The following DBH variants were observed in gnomAD, a reference collection of about 807,000 sequenced individuals.
DBH encodes dopamine beta-hydroxylase (dopamine beta-monooxygenase).
A neutral mutation model predicts 64.0 loss-of-function variants in DBH; 49 were observed. The ratio of observed to expected loss-of-function variants is 0.77; its 90% CI spans 0.61 to 0.97. DBH has a LOEUF of 0.97. Ranked by LOEUF, DBH falls within the 50% of genes least tolerant of loss-of-function variation. The pLI, the probability that DBH is intolerant of heterozygous loss-of-function variation, is 0.00. For missense variants in DBH, 828 were observed against 826.6 expected (o/e 1.00, Z -0.02); for synonymous variants, 343 against 347.1 (o/e 0.99, Z 0.13).
Position 133,643,715 on chromosome 9 carries a change from C to A in DBH, c.921+126C>A. 1 of 1,094,458 alleles carries A rather than the reference C, an allele frequency of 9.1e-7. No homozygotes were observed. Among genetic ancestry groups the A allele is most frequent in the Non-Finnish European group, 1.3e-6 (1 of 758,734 alleles). 67.8% of individuals were successfully genotyped at this position (1,094,458 alleles called of 1,614,324 possible). A position where few individuals can be genotyped will look rare whatever the true frequency, so the allele number is the denominator to read the frequency against. Reference sequence around the variant, plus strand: ...GGGCTCCCAAGGGGGCTCACGAGGCCACCAGAAGGGCCAGGCCTGAGGTGG... The same window carrying A: ...GGGCTCCCAAGGGGGCTCACGAGGCAACCAGAAGGGCCAGGCCTGAGGTGG... On this transcript the variant is annotated intron_variant, in intron 4 of 11. Transcript: ENST00000393056. The surrounding 1 kb of genome is among the most constrained non-coding windows in gnomAD (Gnocchi z 5.3).
In DBH at chr9:133,658,595, C is replaced by T. The variant is rs541325313; in HGVS notation, c.*148C>T. 3 of 937,054 alleles carry T rather than the reference C, an allele frequency of 3.2e-6. No individual in the cohort carries two copies. In the East Asian group the frequency reaches 8.4e-5, roughly 26 times the overall value. The allele number at this position is 937,054 out of a possible 1,614,324, so 58.0% of individuals were successfully genotyped here. On this transcript the variant is annotated 3_prime_UTR_variant, in exon 12 of 12. Transcript: ENST00000393056. ...CACGCCCCTGCCTGAGACCACGGTC[C>T]AATCCAGCCTTCTTCCCCCAGGGTC...
rs1341175895 is a variant in DBH at position 133,636,574 on chromosome 9, C to T, written c.203C>T (p.Thr68Ile). ...SLELSWNVSYTQEAIHFQLLV... is the reference protein window; with the variant it reads ...SLELSWNVSYIQEAIHFQLLV... ...GAGCTCTCATGGAATGTCAGCTACA[C>T]CCAGGAGGCCATCCATTTCCAGCTC... The change falls in exon 1 of 12, where the codon ACC becomes ATC. Residue 68 changes from threonine to isoleucine, a missense_variant. Coordinates refer to ENST00000393056, the MANE Select transcript of DBH (RefSeq NM_000787.4). 1 of 1,613,718 alleles carries T rather than the reference C, an allele frequency of 6.2e-7. No homozygotes were observed. The highest frequency in any genetic ancestry group is 8.5e-7 in the Non-Finnish European group (1 of 1,180,008).
intron 1 of DBH, among the ~76,000 whole-genome samples, chr9:133,638,097 A>T (rs1286115646): frequency 6.6e-6 from 1 of 152,226 alleles, no homozygotes; most frequent in Non-Finnish European, 1.5e-5. Flanking sequence ...GCTGCTAGGG[A>T]AGCCAGAGGA....
rs1332050039 is a variant in DBH, at chr9:133,643,358, G to C, written c.745-55G>C. On this transcript the variant is annotated intron_variant, in intron 3 of 11. Transcript: ENST00000393056. The surrounding 1 kb of genome is among the most constrained non-coding windows in gnomAD (Gnocchi z 5.3). ...CGGAAGCCCATGGAGGAGGGCTGCT[G>C]GGGAGGGGAGGGTGGGCGGCCGGTT... The C allele has an allele frequency of 6.3e-7, 1 of 1,591,138 alleles. No individual in the cohort carries two copies. Among genetic ancestry groups the C allele is most frequent in the East Asian group, 2.2e-5 (1 of 44,700 alleles).
In DBH at chr9:133,652,170, G is replaced by A; in HGVS notation, c.1336-76G>A. The stretch of plus-strand genomic sequence containing the variant: ...CAGAGGTCAGGGAGGCCTGAGGGAG[G>A]ACACAGTGGCCGGGGGTCTGGTCTG... On this transcript the variant is annotated intron_variant, in intron 7 of 11. Transcript: ENST00000393056. 3 of 1,563,336 alleles carry A rather than the reference G, an allele frequency of 1.9e-6. No individual in the cohort carries two copies. In the Middle Eastern group the frequency reaches 5.0e-4, roughly 262 times the overall value.
intron 6 of DBH, 88 bp from the exon 7 acceptor site, chr9:133,651,546 G>C: frequency 6.4e-7 from 1 of 1,555,450 alleles, no homozygotes; most frequent in Non-Finnish European, 8.8e-7. Flanking sequence ...AACTGCCCAG[G>C]GTGGCTGCTC....
chr9:133,653,484 G>A (rs942786408), intron 9 of DBH, among the ~76,000 whole-genome samples: 1 of 152,170 alleles, frequency 6.6e-6, no homozygotes, highest in African/African-American at 2.4e-5. Flanking sequence ...GAGGTGCGGG[G>A]ACCTGGGAGG....
At chr9:133,651,858 C>T in intron 7 of DBH, 81 bp downstream of exon 7, 1 of 1,383,798 alleles carries the variant, frequency 7.2e-7, no homozygotes, top group Non-Finnish European at 1.0e-6. Context: ...TTCCTGACAC[C>T]ATAGGGATGG....
rs1331202941 is a variant in DBH at position 133,658,427 on chromosome 9, A to G, written c.1834A>G (p.Ile612Val). Residue 612 changes from isoleucine to valine, a missense_variant, in exon 12 of 12, where the codon ATT (isoleucine) becomes GTT (valine). Coordinates refer to ENST00000393056, the MANE Select transcript of DBH (RefSeq NM_000787.4). ...CCCTGCTGGCCCCACCGTTGTCAGC[A>G]TTGGTGGGGGCAAAGGCTGAGGGGG... ...RSPAGPTVVSIGGGKG is the reference protein window; with the variant it reads ...RSPAGPTVVSVGGGKG 6.2e-7 allele frequency: 1 copy of G among 1,612,194 alleles called. No homozygotes were observed. Among genetic ancestry groups the G allele is most frequent in the East Asian group, 2.2e-5 (1 of 44,816 alleles).
chr9:133,653,344 G>C (rs962208351), intron 9 of DBH, among the ~76,000 whole-genome samples: 1 of 152,194 alleles, frequency 6.6e-6, no homozygotes, highest in African/African-American at 2.4e-5. Flanking sequence ...GTGGGGAGAA[G>C]CTGTAGGACA....
chr9:133,653,610 G>C lies in DBH; in HGVS notation c.1434+611G>C, dbSNP rs1832277422. Reference sequence around the variant, plus strand: ...CCCAGAGGACCAAGAACATTCTCAGGATGGAAAGGAGAGGAGGAGAGGGTG... The same window carrying C: ...CCCAGAGGACCAAGAACATTCTCAGCATGGAAAGGAGAGGAGGAGAGGGTG... On this transcript the variant is annotated intron_variant, in intron 9 of 11. Transcript: ENST00000393056. Among the ~76,000 whole-genome samples the C allele has an allele frequency of 1.3e-5, 2 of 152,152 alleles. 1 individual carries two copies. The highest frequency in any genetic ancestry group is 1.3e-4 in the Admixed American group (2 of 15,274).
At chr9:133,650,919 T>C (rs892851991) in intron 6 of DBH, among the ~76,000 whole-genome samples, 8 of 152,242 alleles carry the variant, frequency 5.3e-5, no homozygotes, top group Non-Finnish European at 1.2e-4. Flanking sequence ...TGGAAGATTC[T>C]CTCATGCCCC....
chr9:133,644,982 CAT>C lies in DBH; in HGVS notation c.1024+665_1024+666del, dbSNP rs550831229. Among the ~76,000 whole-genome samples the C allele has an allele frequency of 1.2e-3, 185 of 152,244 alleles. 1 individual carries two copies. Among genetic ancestry groups the C allele is most frequent in the Middle Eastern group, 6.8e-3 (2 of 294 alleles). ...GCACACACACATGCACACATGTACA[CAT>C]ATGCACGCAGAAGCACACACATGCA... is the stretch of plus-strand genomic sequence containing the variant. On this transcript the variant is annotated intron_variant, in intron 5 of 11. Coordinates refer to ENST00000393056, the MANE Select transcript of DBH (RefSeq NM_000787.4).
Position 133,651,736 on chromosome 9 carries a change from G to A in DBH, c.1294G>A (p.Glu432Lys). Residue 432 changes from glutamate to lysine, a missense_variant, in exon 7 of 12, where the codon GAG becomes AAG. By Grantham distance (56) the Glu-to-Lys change is moderately conservative (BLOSUM62 1). Transcript: ENST00000393056. ...TVLVRDGREW[E>K]IVNQDNHYSP... ...GCTGGTCCGGGACGGCCGGGAGTGG[G>A]AGATCGTGAACCAGGACAATCACTA... The A allele has an allele frequency of 1.2e-6, 2 of 1,613,624 alleles. No individual in the cohort carries two copies. Among genetic ancestry groups the A allele is most frequent in the South Asian group, 1.1e-5 (1 of 91,046 alleles).
chr9:133,636,836 C>A, intron 1 of DBH, 126 bp downstream of exon 1: 1 of 938,572 alleles, frequency 1.1e-6, no homozygotes, highest in Non-Finnish European at 1.7e-6. Context: ...TTTGAGTTGA[C>A]TCTGCTCTGA....
At position 133,642,472 on chromosome 9, in the gene DBH, C is replaced by G. The variant is rs45549938; in HGVS notation, c.744+8C>G. 5.6e-6 allele frequency: 9 copies of G among 1,601,306 alleles called. No individual in the cohort carries two copies. Among genetic ancestry groups the G allele is most frequent in the Non-Finnish European group, 6.8e-6 (8 of 1,174,188 alleles). On this transcript the variant is annotated splice_region_variant and intron_variant, in intron 3 of 11. Transcript: ENST00000393056. The stretch of plus-strand genomic sequence containing the variant: ...CGGCACCACATTATCAAGGTACGTG[C>G]GGGTCCAGGGCCGAGGTCCTCGCCC...
chr9:133,648,710 G>A lies in DBH; in HGVS notation c.1191+698G>A, dbSNP rs1006201556. On this transcript the variant is annotated intron_variant, in intron 6 of 11. Coordinates refer to ENST00000393056, the MANE Select transcript of DBH (RefSeq NM_000787.4). ...GGCACAGGTTGGCGCTTAGACTGGC[G>A]CCAACAGCAGGTCCTGTCCTTGGCT... 1.9e-4 allele frequency among the ~76,000 whole-genome samples: 29 copies of A among 152,200 alleles called. 1 individual carries two copies. The highest frequency in any genetic ancestry group is 1.4e-3 in the Admixed American group (22 of 15,280).
At chr9:133,657,486 GGAGAGA>G (rs1300382040) in intron 11 of DBH, among the ~76,000 whole-genome samples, 1 of 147,836 alleles carries the variant, frequency 6.8e-6, no homozygotes, top group Admixed American at 6.7e-5. Flanking sequence ...GAGGGAGAGA[GGAGAGA>G]GAGAGGAGAG....
intron 8 of DBH, 114 bp downstream of exon 8, chr9:133,652,398 G>C: frequency 1.5e-6 from 2 of 1,302,612 alleles, no homozygotes; most frequent in Non-Finnish European, 2.2e-6. Flanking sequence ...GGGAGGGAGA[G>C]CCATCCAGGG....
Sources: gnomAD v4.1 joint callset for allele counts (sites outside exome capture counted in the v4.1 genomes callset) on GRCh38, gnomAD v4.1.1 for gene constraint, Gnocchi (gnomAD v3.1) non-coding constraint, MANE v1.5 for transcripts, NCBI Gene and HGNC (gene_info 2026-07-23, HGNC 2026-07-21) for gene names.